SPATS2: variants seen among roughly 807,000 people sequenced by gnomAD.
The protein encoded by SPATS2 is spermatogenesis-associated serine-rich protein 2.
A neutral mutation model predicts 63.7 loss-of-function variants in SPATS2; 38 were observed. The observed-to-expected ratio is 0.60, with a 90% CI of 0.46 to 0.78. The LOEUF is 0.78. Among genes scored for constraint, SPATS2 ranks in the 30% least tolerant of loss-of-function variants. SPATS2 has a pLI of 0.00. For missense variants in SPATS2, 588 were observed against 666.2 expected (o/e 0.88, Z 1.29); for synonymous variants, 207 against 232.9 (o/e 0.89, Z 1.01).
chr12:49,501,807 T>C (rs1357806816), intron 9 of SPATS2, among the ~76,000 whole-genome samples: 1 of 151,970 alleles, frequency 6.6e-6, no homozygotes, highest in Admixed American at 6.6e-5. Context: ...TTAGTAGAGA[T>C]GGGGTTTCAC....
At chr12:49,420,169 A>T (rs1055740539) in intron 2 of SPATS2, among the ~76,000 whole-genome samples, 1 of 152,230 alleles carries the variant, frequency 6.6e-6, no homozygotes, top group African/African-American at 2.4e-5. Context: ...AGATGGGTAG[A>T]AAAGGATGTT....
At chr12:49,374,450 C>G (rs947646347) in intron 2 of SPATS2, among the ~76,000 whole-genome samples, 31 of 152,236 alleles carry the variant, frequency 2.0e-4, no homozygotes, top group Non-Finnish European at 1.2e-4. Context: ...TCTTTAGCCA[C>G]TGGATATTAA....
At chr12:49,433,280 A>T (rs1164954948) in intron 2 of SPATS2, among the ~76,000 whole-genome samples, 5 of 152,186 alleles carry the variant, frequency 3.3e-5, no homozygotes, top group Non-Finnish European at 7.3e-5. Flanking sequence ...CTCCTGCTTC[A>T]GGCTCCCGAG....
At chr12:49,389,932 C>G (rs1944390777) in intron 2 of SPATS2, 1 of 806,230 alleles carries the variant, frequency 1.2e-6, no homozygotes, top group Non-Finnish European at 2.2e-6. Flanking sequence ...CACATGTTGA[C>G]CAGATAAATG....
chr12:49,400,063 G>T (rs938162793), intron 2 of SPATS2, among the ~76,000 whole-genome samples: 7 of 152,132 alleles, frequency 4.6e-5, no homozygotes, highest in African/African-American at 1.7e-4. Flanking sequence ...ATGGTACCAT[G>T]TACCAGGCAC....
chr12:49,370,419 A>T (rs1320536741), intron 1 of SPATS2, among the ~76,000 whole-genome samples: 1 of 152,200 alleles, frequency 6.6e-6, no homozygotes, highest in Non-Finnish European at 1.5e-5. Flanking sequence ...TTTTGGATGT[A>T]ATTGTTAGGA....
At chr12:49,418,948 C>T (rs923762692) in intron 2 of SPATS2, among the ~76,000 whole-genome samples, 2 of 152,122 alleles carry the variant, frequency 1.3e-5, no homozygotes, top group Non-Finnish European at 2.9e-5. Flanking sequence ...ACTACAGTTC[C>T]TTAACTTCAG....
rs755894757 is a variant in SPATS2, at chr12:49,496,892, A to T, written c.586A>T (p.Ile196Phe). 1.6e-5 allele frequency: 26 copies of T among 1,613,956 alleles called. No individual in the cohort carries two copies. The highest frequency in any genetic ancestry group is 1.6e-4 in the Middle Eastern group (1 of 6,082). Residue 196 changes from isoleucine to phenylalanine, a missense_variant, in exon 8 of 14, where the codon ATT becomes TTT. Coordinates refer to ENST00000552918, the MANE Select transcript of SPATS2 (RefSeq NM_023071.4). ...GACCAAGTCTTTGACTATGCACTCT[A>T]TTCACAATTCTCAACAACCCAGGAA... ...FETKSLTMHS[I>F]HNSQQPRNAA...
At chr12:49,480,589 G>A (rs1418219159) in intron 3 of SPATS2, among the ~76,000 whole-genome samples, 1 of 152,122 alleles carries the variant, frequency 6.6e-6, no homozygotes, top group Non-Finnish European at 1.5e-5. Flanking sequence ...GTACATGGAT[G>A]TACAAAACAC....
At position 49,526,486 on chromosome 12, in the gene SPATS2, G is replaced by T; in HGVS notation, c.*231G>T. The T allele has an allele frequency of 3.6e-6, 2 of 549,532 alleles. No homozygotes were observed. Among genetic ancestry groups the T allele is most frequent in the South Asian group, 5.1e-5 (2 of 39,472 alleles). The allele number at this position is 549,532 out of a possible 1,614,324, so 34.0% of individuals were successfully genotyped here. A position where few individuals can be genotyped will look rare whatever the true frequency, so the allele number is the denominator to read the frequency against. ...CAGTGATATGGATTGAATCTGGTTG[G>T]TCATTTCCACCAGGAATCAGAGGCA... On this transcript the variant is annotated 3_prime_UTR_variant, in exon 14 of 14. Coordinates refer to ENST00000552918, the MANE Select transcript of SPATS2 (RefSeq NM_023071.4).
intron 2 of SPATS2, among the ~76,000 whole-genome samples, chr12:49,441,159 T>A (rs1269218105): frequency 6.6e-6 from 1 of 152,218 alleles, no homozygotes; most frequent in African/African-American, 2.4e-5. Flanking sequence ...TGGGCTACAG[T>A]GTATCTTATA....
At position 49,522,326 on chromosome 12, in the gene SPATS2, C is replaced by T. The variant is rs570431557; in HGVS notation, c.1009-425C>T. ...ATTATAAAGAGATGAAGTAGGTTTC[C>T]TAAGGAAGTTCCTATTAACACCAAA... On this transcript the variant is annotated intron_variant, in intron 11 of 13. Coordinates refer to ENST00000552918, the MANE Select transcript of SPATS2 (RefSeq NM_023071.4). Among the ~76,000 whole-genome samples the T allele has an allele frequency of 3.9e-5, 6 of 152,254 alleles. No individual in the cohort carries two copies. In the East Asian group the frequency reaches 1.2e-3, roughly 29 times the overall value.
At chr12:49,437,203 G>A (rs1382828715) in intron 2 of SPATS2, among the ~76,000 whole-genome samples, 2 of 151,662 alleles carry the variant, frequency 1.3e-5, no homozygotes, top group Non-Finnish European at 2.9e-5. Context: ...GGGGCGGCCG[G>A]GCAGAGACGC....
intron 11 of SPATS2, among the ~76,000 whole-genome samples, chr12:49,522,058 T>A (rs1198897601): frequency 1.3e-5 from 2 of 152,110 alleles, no homozygotes; most frequent in African/African-American, 2.4e-5. Context: ...CAGTCTACCT[T>A]AGACATTGTT....
intron 2 of SPATS2, among the ~76,000 whole-genome samples, chr12:49,436,027 CT>C (rs1339511394): frequency 2.6e-5 from 4 of 151,404 alleles, no homozygotes; most frequent in Admixed American, 2.6e-4. Context: ...AATGAAAAGT[CT>C]CCCATGTCTA....
intron 1 of SPATS2, among the ~76,000 whole-genome samples, chr12:49,369,807 G>T (rs1234766359): frequency 6.6e-6 from 1 of 152,188 alleles, no homozygotes; most frequent in African/African-American, 2.4e-5. Flanking sequence ...CTGTGCATAC[G>T]TGGCACTCTT....
In SPATS2 at chr12:49,524,859, C is replaced by A; in HGVS notation, c.1289C>A (p.Ala430Glu). The part of the protein sequence containing the change: ...FAPGETPAAI[A>E]NSSGQPYQPL... ...CCGGGAGAGACTCCTGCAGCCATAG[C>A]AAACTCCAGTGGCCAGCCCTACCAG... Residue 430 changes from alanine (A) to glutamate (E), a missense_variant, in exon 13 of 14, where the codon GCA becomes GAA. Coordinates refer to ENST00000552918, the MANE Select transcript of SPATS2 (RefSeq NM_023071.4). The A allele has an allele frequency of 1.2e-6, 2 of 1,612,714 alleles. No homozygotes were observed. Among genetic ancestry groups the A allele is most frequent in the African/African-American group, 2.7e-5 (2 of 75,034 alleles).
intron 2 of SPATS2, among the ~76,000 whole-genome samples, chr12:49,410,489 G>A (rs1324698675): frequency 6.6e-6 from 1 of 152,104 alleles, no homozygotes; most frequent in Non-Finnish European, 1.5e-5. Flanking sequence ...GAGGATCCTT[G>A]CCCACATCAT....
intron 2 of SPATS2, among the ~76,000 whole-genome samples, chr12:49,443,021 T>C (rs2137563361): frequency 6.6e-6 from 1 of 152,318 alleles, no homozygotes; most frequent in South Asian, 2.1e-4. Context: ...CTTTTGTGAC[T>C]GGCTTATTCT....
Sources: gnomAD v4.1 joint callset for allele counts (sites outside exome capture counted in the v4.1 genomes callset) on GRCh38, gnomAD v4.1.1 for gene constraint, MANE v1.5 for transcripts, NCBI Gene and HGNC (gene_info 2026-07-23, HGNC 2026-07-21) for gene names.